Variants in CSMD3 observed in about 807,000 individuals in gnomAD.
CSMD3 encodes CUB and Sushi multiple domains 3, also known as CUB and sushi domain-containing protein 3.
In CSMD3, 177 loss-of-function variants were observed where a neutral mutation model predicts 435.2. The ratio of observed to expected loss-of-function variants is 0.41; its 90% CI spans 0.36 to 0.46. The LOEUF (loss-of-function observed/expected upper bound fraction) is 0.46, where lower values mean the gene tolerates loss of function less well. Ranked by LOEUF, CSMD3 falls within the 20% of genes least tolerant of loss-of-function variation. The probability of loss-of-function intolerance (pLI) is 0.34; values close to 1 mark genes in which losing one functional copy is unlikely to be tolerated. For missense variants in CSMD3, 4,265 were observed against 4,504.6 expected, an observed-to-expected ratio of 0.95 and a Z score of 1.52; for synonymous variants, 1,656 against 1,520.5, an observed-to-expected ratio of 1.09 and a Z score of -2.07.
At chr8:113,409,109 A>T (rs1588677731) in intron 1 of CSMD3, among the ~76,000 whole-genome samples, 2 of 98,808 alleles carry the variant, frequency 2.0e-5, no homozygotes, top group Non-Finnish European at 1.8e-5. Flanking sequence ...TTTGAGATGG[A>T]GTCTCACTCT....
At chr8:113,234,079 C>A (rs1232987767) in intron 3 of CSMD3, among the ~76,000 whole-genome samples, 2 of 152,034 alleles carry the variant, frequency 1.3e-5, no homozygotes, top group Non-Finnish European at 1.5e-5. Context: ...TCTGTTACTA[C>A]AAAAAATATC....
intron 1 of CSMD3, among the ~76,000 whole-genome samples, chr8:113,339,264 C>A (rs2094100502): frequency 6.6e-6 from 1 of 151,864 alleles, no homozygotes; most frequent in African/African-American, 2.4e-5. Context: ...AGCTCCATTA[C>A]ATAATATAAA....
At chr8:112,552,856 A>T (rs1005354548) in intron 25 of CSMD3, 136 bp from the exon 26 acceptor site, 22 of 733,488 alleles carry the variant, frequency 3.0e-5, no homozygotes, top group Non-Finnish European at 4.6e-5. Context: ...TAAACTTTTA[A>T]AGTATCAATT....
intron 57 of CSMD3, among the ~76,000 whole-genome samples, chr8:112,288,125 T>C (rs1819396274): frequency 6.6e-6 from 1 of 152,088 alleles, no homozygotes; most frequent in Non-Finnish European, 1.5e-5. Flanking sequence ...TTTGGAATAC[T>C]TCATTATATG....
chr8:112,829,490 A>T (rs1443545695), intron 12 of CSMD3, among the ~76,000 whole-genome samples, 196 bp downstream of exon 12: 1 of 152,152 alleles, frequency 6.6e-6, no homozygotes, highest in Non-Finnish European at 1.5e-5. Context: ...GAGAAGCCCA[A>T]CTGAACTGAG....
intron 11 of CSMD3, among the ~76,000 whole-genome samples, chr8:112,849,608 G>A (rs1207466406): frequency 6.6e-6 from 1 of 151,612 alleles, no homozygotes; most frequent in African/African-American, 2.4e-5. Flanking sequence ...CAATTTTCAG[G>A]CTATAGTGGA....
intron 32 of CSMD3, among the ~76,000 whole-genome samples, chr8:112,425,185 TATG>T (rs1180851927): frequency 2.6e-5 from 4 of 152,232 alleles, no homozygotes; most frequent in African/African-American, 7.2e-5. Flanking sequence ...TTTTACATAC[TATG>T]ATATTCCAAA....
At chr8:112,452,174 T>C (rs1302354972) in intron 32 of CSMD3, among the ~76,000 whole-genome samples, 1 of 152,190 alleles carries the variant, frequency 6.6e-6, no homozygotes, top group Non-Finnish European at 1.5e-5. Flanking sequence ...AACTACAAAA[T>C]TGACCTTGAA....
chr8:112,546,299 G>A (rs924604715), intron 27 of CSMD3, among the ~76,000 whole-genome samples: 12 of 152,082 alleles, frequency 7.9e-5, no homozygotes, highest in African/African-American at 1.7e-4. Flanking sequence ...TTTGTATTTC[G>A]GAAAGATCAG....
At chr8:113,017,322 G>A (rs946918583) in intron 6 of CSMD3, among the ~76,000 whole-genome samples, 1 of 151,836 alleles carries the variant, frequency 6.6e-6, no homozygotes, top group African/African-American at 2.4e-5. Flanking sequence ...TACACAAATC[G>A]ACTGGTAGCT....
At chr8:113,279,623 G>A (rs1235993891) in intron 2 of CSMD3, among the ~76,000 whole-genome samples, 1 of 151,636 alleles carries the variant, frequency 6.6e-6, no homozygotes, top group Admixed American at 6.6e-5. Flanking sequence ...GTTGTGTAAT[G>A]GGAGATTTGT....
At chr8:113,236,625 C>G (rs2093153463) in intron 3 of CSMD3, among the ~76,000 whole-genome samples, 1 of 152,058 alleles carries the variant, frequency 6.6e-6, no homozygotes, top group Non-Finnish European at 1.5e-5. Flanking sequence ...ACTAGGGGCT[C>G]TCCAGGTTCT....
chr8:113,213,932 T>C (rs1156604982), intron 3 of CSMD3, among the ~76,000 whole-genome samples: 1 of 152,110 alleles, frequency 6.6e-6, no homozygotes, highest in Non-Finnish European at 1.5e-5. Context: ...TTATTCAGCA[T>C]GCACTGTGAG....
chr8:112,597,608 A>C (rs937278944), intron 22 of CSMD3, among the ~76,000 whole-genome samples: 2 of 118,988 alleles, frequency 1.7e-5, no homozygotes, highest in African/African-American at 3.6e-5. Context: ...CATTGATGCA[A>C]AAATCCTCAA....
chr8:112,847,738 T>C (rs1212103736), intron 11 of CSMD3, among the ~76,000 whole-genome samples: 1 of 152,032 alleles, frequency 6.6e-6, no homozygotes, highest in Admixed American at 6.6e-5. Context: ...TACCTATAAA[T>C]GGGCTGACTA....
At chr8:112,885,205 T>C (rs571976162) in intron 10 of CSMD3, among the ~76,000 whole-genome samples, 46 of 151,760 alleles carry the variant, frequency 3.0e-4, no homozygotes, top group Admixed American at 2.2e-3. Flanking sequence ...TTGACAGTCA[T>C]AGGAAATGTC....
At chr8:112,232,065 T>A (rs770219361) in intron 68 of CSMD3, among the ~76,000 whole-genome samples, 18 of 152,174 alleles carry the variant, frequency 1.2e-4, no homozygotes, top group Non-Finnish European at 2.2e-4. Context: ...CTTGGGCCTA[T>A]GGAGTGTGGG....
chr8:112,877,361 G>T (rs577968702), intron 10 of CSMD3, among the ~76,000 whole-genome samples: 1 of 151,912 alleles, frequency 6.6e-6, no homozygotes, highest in Non-Finnish European at 1.5e-5. Context: ...TGCCACTCAG[G>T]TTCAAGTGAT....
intron 5 of CSMD3, among the ~76,000 whole-genome samples, chr8:113,047,890 A>G (rs2087904746): frequency 6.6e-6 from 1 of 152,136 alleles, no homozygotes; most frequent in Non-Finnish European, 1.5e-5. Flanking sequence ...AACTAACACA[A>G]TATTGTTTCA....
Sources: allele counts gnomAD v4.1 joint callset (sites outside exome capture counted in the v4.1 genomes callset), GRCh38; gene constraint gnomAD v4.1.1; transcripts MANE v1.5; gene names NCBI Gene and HGNC (gene_info 2026-07-23, HGNC 2026-07-21).